The following IARS1 variants were observed in gnomAD, a reference collection of about 807,000 sequenced individuals.
IARS1 encodes the protein isoleucine--tRNA ligase, cytoplasmic.
A neutral mutation model predicts 168.2 loss-of-function variants in IARS1; 124 were observed. The ratio of observed to expected loss-of-function variants is 0.74; its 90% CI spans 0.64 to 0.86. The LOEUF is 0.86. Among genes scored for constraint, IARS1 ranks in the 40% least tolerant of loss-of-function variants. IARS1 has a pLI of 0.00. For missense variants in IARS1, 1,452 were observed against 1,515.8 expected, an observed-to-expected ratio of 0.96 and a Z score of 0.70; for synonymous variants, 532 against 529.4, an observed-to-expected ratio of 1.00 and a Z score of -0.07.
At chr9:92,211,203 G>A (rs1288751157) in intron 33 of IARS1, among the ~76,000 whole-genome samples, 1 of 152,298 alleles carries the variant, frequency 6.6e-6, no homozygotes, top group East Asian at 1.9e-4. Context: ...TATATCAGTT[G>A]AGAAAGACAG....
At chr9:92,269,748 A>C in intron 13 of IARS1, 137 bp downstream of exon 13, 1 of 585,640 alleles carries the variant, frequency 1.7e-6, no homozygotes, top group Admixed American at 2.8e-5. Flanking sequence ...GTGCTCCTAA[A>C]CACACAGAAG....
At position 92,280,713 on chromosome 9, in the gene IARS1, A is replaced by C. The variant is rs145725162; in HGVS notation, c.745+33T>G. On this transcript the variant is annotated intron_variant, in intron 7 of 33. Coordinates refer to ENST00000443024, the MANE Select transcript of IARS1 (RefSeq NM_002161.6). ...TCCAAAATATAAAATTATCTTATCC[A>C]TATTAATCATAAGTAACCAGCCTCC... The C allele has an allele frequency of 2.4e-4, 348 of 1,458,518 alleles. No individual in the cohort carries two copies. In the African/African-American group the frequency reaches 4.0e-3, roughly 17 times the overall value. The allele number at this position is 1,458,518 out of a possible 1,614,324, so 90.3% of individuals were successfully genotyped here. A position where few individuals can be genotyped will look rare whatever the true frequency, so the allele number is the denominator to read the frequency against.
intron 19 of IARS1, among the ~76,000 whole-genome samples, chr9:92,258,444 C>T (rs1465505697): frequency 1.3e-5 from 2 of 152,100 alleles, no homozygotes; most frequent in South Asian, 2.1e-4. Flanking sequence ...AAATATAAAA[C>T]AATTAGCCAG....
At chr9:92,223,322 T>C in intron 32 of IARS1, 24 bp downstream of exon 32, 1 of 1,586,540 alleles carries the variant, frequency 6.3e-7, no homozygotes, top group South Asian at 1.1e-5. Context: ...CCCCACAGTC[T>C]GCCTGCTGTG....
At chr9:92,272,150 A>C (rs557559565) in intron 10 of IARS1, among the ~76,000 whole-genome samples, 5 of 152,378 alleles carry the variant, frequency 3.3e-5, no homozygotes, top group African/African-American at 1.2e-4. Flanking sequence ...ATTCAAAACC[A>C]AACAGCCTGG....
At chr9:92,245,311 A>C (rs1829024972) in intron 26 of IARS1, among the ~76,000 whole-genome samples, 1 of 152,180 alleles carries the variant, frequency 6.6e-6, no homozygotes, top group Non-Finnish European at 1.5e-5. Flanking sequence ...TGTTTTATAT[A>C]AACTCTCAGG....
At position 92,260,192 on chromosome 9, in the gene IARS1, A is replaced by T; in HGVS notation, c.1830T>A (p.Asp610Glu). The T allele has an allele frequency of 1.9e-6, 3 of 1,614,148 alleles. No individual in the cohort carries two copies. Among genetic ancestry groups the T allele is most frequent in the South Asian group, 2.2e-5 (2 of 91,084 alleles). The change falls in exon 18 of 34, where the codon GAT (aspartate) becomes GAA (glutamate). Residue 610 changes from aspartate to glutamate, a missense_variant. Asp to Glu is a conservative substitution (Grantham distance 45). Coordinates refer to ENST00000443024, the MANE Select transcript of IARS1 (RefSeq NM_002161.6). ...CATACTTCTGGATGATGGAAACTGGATCTGGATAATTCTTTTTCCGTTTGC... is the reference window on the plus strand; with the variant it reads ...CATACTTCTGGATGATGGAAACTGGTTCTGGATAATTCTTTTTCCGTTTGC... ...KMSKRKKNYPDPVSIIQKYGA... is the reference protein window; with the variant it reads ...KMSKRKKNYPEPVSIIQKYGA...
chr9:92,266,423 A>T (rs977758989), intron 14 of IARS1, among the ~76,000 whole-genome samples: 2 of 152,232 alleles, frequency 1.3e-5, no homozygotes, highest in African/African-American at 2.4e-5. Flanking sequence ...AAACACAGCT[A>T]GGCTATATGG....
At chr9:92,281,380 C>A (rs1834540889) in intron 6 of IARS1, among the ~76,000 whole-genome samples, 1 of 152,056 alleles carries the variant, frequency 6.6e-6, no homozygotes, top group Non-Finnish European at 1.5e-5. Flanking sequence ...GTGATCCTCC[C>A]ACCTCAGCCT....
intron 25 of IARS1, 76 bp from the exon 26 acceptor site, chr9:92,247,627 A>G: frequency 7.6e-7 from 1 of 1,311,374 alleles, no homozygotes; most frequent in Non-Finnish European, 1.1e-6. Flanking sequence ...GGTCCACAGC[A>G]GCATTATTCC....
At chr9:92,229,934 G>C (rs1826397015) in intron 30 of IARS1, among the ~76,000 whole-genome samples, 1 of 152,110 alleles carries the variant, frequency 6.6e-6, no homozygotes, top group Admixed American at 6.6e-5. Flanking sequence ...GCCACCATGA[G>C]AATCCTCGTG....
chr9:92,253,820 C>A (rs1266664638), intron 20 of IARS1: 1 of 491,638 alleles, frequency 2.0e-6, no homozygotes, highest in South Asian at 1.5e-5. Flanking sequence ...CAACAATGCC[C>A]AACTTCTTTC....
chr9:92,293,310 T>A (rs921606274), intron 1 of IARS1: 2 of 282,086 alleles, frequency 7.1e-6, no homozygotes, highest in Admixed American at 8.9e-5. Flanking sequence ...ATAAAATAAG[T>A]ATCTCGCAGC....
chr9:92,282,118 TTTTTAGAG>T lies in IARS1; in HGVS notation c.598-1233_598-1226del, dbSNP rs1430618161. Among the ~76,000 whole-genome samples the T allele has an allele frequency of 1.4e-3, 218 of 152,274 alleles. 6 individuals are homozygous for T. In the South Asian group the frequency reaches 0.044, roughly 31 times the overall value. ...GTTACTGATTTTAGGAAATATATAG[TTTTTAGAG>T]GAAAAGGGCCATAATTCCTGCAACT... On this transcript the variant is annotated intron_variant, in intron 6 of 33. Transcript: ENST00000443024.
At chr9:92,288,876 G>C (rs1835868953) in intron 2 of IARS1, among the ~76,000 whole-genome samples, 2 of 152,026 alleles carry the variant, frequency 1.3e-5, no homozygotes, top group African/African-American at 4.8e-5. Flanking sequence ...CACTACATAG[G>C]GAGCTGGGGG....
chr9:92,258,180 C>A (rs1442499543), intron 19 of IARS1, among the ~76,000 whole-genome samples: 1 of 152,198 alleles, frequency 6.6e-6, no homozygotes, highest in African/African-American at 2.4e-5. Flanking sequence ...TGTGACTCCG[C>A]CTTCACTGGG....
At chr9:92,246,964 C>T (rs1435733356) in intron 26 of IARS1, among the ~76,000 whole-genome samples, 5 of 152,128 alleles carry the variant, frequency 3.3e-5, no homozygotes, top group Admixed American at 2.0e-4. Context: ...GGACCGAAGG[C>T]GGGTGGATCA....
At chr9:92,269,651 A>G (rs1160346763) in intron 13 of IARS1, among the ~76,000 whole-genome samples, 1 of 152,240 alleles carries the variant, frequency 6.6e-6, no homozygotes, top group Non-Finnish European at 1.5e-5. Context: ...ATCATTTCCA[A>G]TGAGTTTAAA....
intron 28 of IARS1, 142 bp from the exon 29 acceptor site, chr9:92,242,472 T>C: frequency 1.6e-6 from 1 of 629,594 alleles, no homozygotes; most frequent in Non-Finnish European, 2.8e-6. Flanking sequence ...TGCTGGGTGA[T>C]CCGTAAGACT....
Sources: gnomAD v4.1 joint callset for allele counts (sites outside exome capture counted in the v4.1 genomes callset) on GRCh38, gnomAD v4.1.1 for gene constraint, MANE v1.5 for transcripts, NCBI Gene and HGNC (gene_info 2026-07-23, HGNC 2026-07-21) for gene names.